Variants in DCUN1D4 observed in about 807,000 individuals in gnomAD.
DCUN1D4 encodes defective in cullin neddylation 1 domain containing 4, also known as DCN1-like protein 4.
Under a neutral mutation model 47.9 loss-of-function variants are expected in DCUN1D4, and 22 were observed. That is an observed-to-expected ratio of 0.46 (90% CI 0.33 to 0.66). The LOEUF is 0.66. Among genes scored for constraint, DCUN1D4 ranks in the 30% least tolerant of loss-of-function variants. DCUN1D4 has a pLI of 0.02. For synonymous variants in DCUN1D4, 121 were observed against 112.2 expected (o/e 1.08, Z -0.50); for missense variants, 301 against 340.8 (o/e 0.88, Z 0.92).
chr4:51,912,326 G>A (rs1473021914), intron 9 of DCUN1D4, among the ~76,000 whole-genome samples: 1 of 152,156 alleles, frequency 6.6e-6, no homozygotes, highest in African/African-American at 2.4e-5. Context: ...AATTCCAGGT[G>A]CATCATCAAC....
At chr4:51,854,651 C>G (rs1199109680) in intron 1 of DCUN1D4, among the ~76,000 whole-genome samples, 7 of 152,204 alleles carry the variant, frequency 4.6e-5, no homozygotes. Flanking sequence ...TCATACAATC[C>G]TCAGCCCACT....
upstream of DCUN1D4, among the ~76,000 whole-genome samples, chr4:51,840,125 A>C (rs141357705): frequency 0.015 from 2,305 of 152,234 alleles, 32 homozygotes; most frequent in Non-Finnish European, 0.025. Flanking sequence ...AAATATCTCT[A>C]CCCATCACAG....
intron 1 of DCUN1D4, among the ~76,000 whole-genome samples, chr4:51,855,483 A>T (rs909109596): frequency 1.3e-5 from 2 of 152,236 alleles, no homozygotes; most frequent in African/African-American, 4.8e-5. Flanking sequence ...AAGTTAGATG[A>T]GACATCTCTG....
In DCUN1D4 at chr4:51,891,931, G is replaced by A. The variant is rs895428655; in HGVS notation, c.506+80G>A. 1.6e-5 allele frequency: 17 copies of A among 1,075,854 alleles called. No individual in the cohort carries two copies. The African/African-American group carries it at 2.4e-4, about 15-fold the overall frequency. The allele number at this position is 1,075,854 out of a possible 1,614,324, so 66.6% of individuals were successfully genotyped here. The stretch of plus-strand genomic sequence containing the variant: ...CTTCCTCCCTAGGACTTCAGGAGGT[G>A]ATTGAGTGAGTGGAAGGAAGTCAGG... On this transcript the variant is annotated intron_variant, in intron 7 of 10. Coordinates refer to ENST00000334635, the MANE Select transcript of DCUN1D4 (RefSeq NM_001040402.3).
At chr4:51,835,712 G>A in the DCUN1D4 span, among the ~76,000 whole-genome samples, 2 of 152,126 alleles carry the variant, frequency 1.3e-5, no homozygotes, top group Admixed American at 6.6e-5. Context: ...CGGGTTGAGG[G>A]TGAGGGAATG....
chr4:51,879,342 C>G (rs1423478560), intron 5 of DCUN1D4, among the ~76,000 whole-genome samples: 2 of 152,188 alleles, frequency 1.3e-5, no homozygotes, highest in Non-Finnish European at 2.9e-5. Flanking sequence ...CGCGGTGGCT[C>G]ACGTCTGAAA....
At chr4:51,905,309 C>T in intron 8 of DCUN1D4, 1 of 433,250 alleles carries the variant, frequency 2.3e-6, no homozygotes, top group South Asian at 1.6e-5. Flanking sequence ...CGCATCTGCC[C>T]TTGACGTCCA....
intron 1 of DCUN1D4, chr4:51,845,172 A>G (rs758951477): frequency 2.4e-5 from 24 of 985,386 alleles, no homozygotes; most frequent in Admixed American, 6.1e-5. Flanking sequence ...TGGTGTATTT[A>G]ATTTTGGCAT....
chr4:51,893,744 G>A (rs994944434), intron 7 of DCUN1D4, among the ~76,000 whole-genome samples: 5 of 152,170 alleles, frequency 3.3e-5, no homozygotes, highest in Non-Finnish European at 4.4e-5. Flanking sequence ...TAGAGCAGCC[G>A]ATGGCTGCTT....
chr4:51,880,300 G>A (rs200311550), intron 5 of DCUN1D4, among the ~76,000 whole-genome samples: 1 of 152,222 alleles, frequency 6.6e-6, no homozygotes, highest in Non-Finnish European at 1.5e-5. Flanking sequence ...ATACCAGCAC[G>A]AAGAGGGCTT....
Position 51,847,243 on chromosome 4 carries a change from T to C in DCUN1D4, c.25+3976T>C, listed in dbSNP as rs1368541334. 2.6e-5 allele frequency among the ~76,000 whole-genome samples: 4 copies of C among 152,214 alleles called. No homozygotes were observed. The East Asian group carries it at 7.7e-4, about 29-fold the overall frequency. ...TTACGTTGATTTATTTTCTGCCTTA[T>C]TCTAAAAGAATTAGGGGTGACTTGC... On this transcript the variant is annotated intron_variant, in intron 1 of 10. Transcript: ENST00000334635.
Position 51,863,526 on chromosome 4 carries a change from G to GACAAAAAC in DCUN1D4, c.96+25_96+26insACACAAAA. On this transcript the variant is annotated intron_variant, in intron 2 of 10. Transcript: ENST00000334635. ...TAAGCTGGTAAGTCATTCTTTTAAA[G>GACAAAAAC]ACAAAATTACCAACTGTTTGAAGTA... The GACAAAAAC allele has an allele frequency of 6.2e-7, 1 of 1,602,584 alleles. No individual in the cohort carries two copies. Among genetic ancestry groups the GACAAAAAC allele is most frequent in the Non-Finnish European group, 8.5e-7 (1 of 1,171,884 alleles).
chr4:51,834,109 TTTTTC>T, the DCUN1D4 span, among the ~76,000 whole-genome samples: 1 of 126,668 alleles, frequency 7.9e-6, no homozygotes, highest in South Asian at 2.5e-4. Context: ...CTTTCTTTTT[TTTTTC>T]TTTTTTTTTT....
At chr4:51,842,029 T>C (rs938832833), upstream of DCUN1D4, among the ~76,000 whole-genome samples, 16 of 151,908 alleles carry the variant, frequency 1.1e-4, 1 homozygote, top group Admixed American at 9.8e-4. Flanking sequence ...TCTCGAAATA[T>C]TGTTCTGTTA....
At chr4:51,849,369 A>T (rs905791986) in intron 1 of DCUN1D4, among the ~76,000 whole-genome samples, 1 of 151,992 alleles carries the variant, frequency 6.6e-6, no homozygotes, top group Admixed American at 6.6e-5. Flanking sequence ...CCAGGGGGAG[A>T]TTCTGTGAAC....
At position 51,916,833 on chromosome 4, in the gene DCUN1D4, C is replaced by T. The variant is rs368457659; in HGVS notation, c.*3249C>T. 6.6e-6 allele frequency: 1 copy of T among 152,444 alleles called. No homozygotes were observed. The highest frequency in any genetic ancestry group is 2.4e-5 in the African/African-American group (1 of 41,444). 9.4% of individuals were successfully genotyped at this position (152,444 alleles called of 1,614,324 possible). ...AATAAAAAGTATTTGTGTTTGGTTT[C>T]AGAACAGATGTGTAAATTTTTTCTT... On this transcript the variant is annotated 3_prime_UTR_variant, in exon 11 of 11. Coordinates refer to ENST00000334635, the MANE Select transcript of DCUN1D4 (RefSeq NM_001040402.3).
chr4:51,900,349 C>A (rs1164594975), intron 8 of DCUN1D4, among the ~76,000 whole-genome samples: 1 of 151,998 alleles, frequency 6.6e-6, no homozygotes, highest in Non-Finnish European at 1.5e-5. Context: ...TTAAATCACA[C>A]CATGCATAGA....
intron 5 of DCUN1D4, among the ~76,000 whole-genome samples, chr4:51,880,293 C>A (rs1274017680): frequency 1.3e-5 from 2 of 152,130 alleles, no homozygotes; most frequent in African/African-American, 2.4e-5. Flanking sequence ...CCCCTAGATA[C>A]CAGCACGAAG....
chr4:51,859,936 G>A (rs966245524), intron 1 of DCUN1D4, among the ~76,000 whole-genome samples: 2 of 152,068 alleles, frequency 1.3e-5, no homozygotes, highest in South Asian at 2.1e-4. Context: ...ATCAATCAGT[G>A]CTTTCCAGAA....
Sources: allele counts gnomAD v4.1 joint callset (sites outside exome capture counted in the v4.1 genomes callset), GRCh38; gene constraint gnomAD v4.1.1; transcripts MANE v1.5; gene names NCBI Gene and HGNC (gene_info 2026-07-23, HGNC 2026-07-21).